Variants in FAHD2B observed in about 807,000 individuals in gnomAD.
FAHD2B encodes the protein fumarylacetoacetate hydrolase domain containing 2B, also known as oxaloacetate tautomerase FAHD2B, mitochondrial.
Under a neutral mutation model 33.7 loss-of-function variants are expected in FAHD2B, and 26 were observed. The ratio of observed to expected loss-of-function variants is 0.77; its 90% CI spans 0.57 to 1.07. The LOEUF (loss-of-function observed/expected upper bound fraction) is 1.07. FAHD2B is among the 50% of genes least tolerant of loss of function. FAHD2B has a pLI of 0.00. For synonymous variants in FAHD2B, 108 were observed against 150.9 expected (o/e 0.72, Z 2.08); for missense variants, 272 against 388.1 (o/e 0.70, Z 2.51).
downstream of FAHD2B, chr2:97,083,440 G>A (rs1223720342): frequency 5.0e-5 from 68 of 1,367,932 alleles, no homozygotes; most frequent in Non-Finnish European, 3.3e-5. Flanking sequence ...ACAAGGGGAC[G>A]AGACGAGTTG....
intron 1 of FAHD2B, among the ~76,000 whole-genome samples, chr2:97,094,189 A>G (rs2153384379): frequency 6.6e-6 from 1 of 152,188 alleles, no homozygotes; most frequent in Non-Finnish European, 1.5e-5. Flanking sequence ...GAGGCTGGTT[A>G]CCAGCTCTCC....
At chr2:97,085,420 G>A (rs563184347) in intron 6 of FAHD2B, among the ~76,000 whole-genome samples, 2 of 151,270 alleles carry the variant, frequency 1.3e-5, no homozygotes, top group Admixed American at 1.3e-4. Context: ...GGTGGCAGCC[G>A]CAGGAAGCCC....
chr2:97,086,539 T>C (rs1337657407), intron 4 of FAHD2B: 2 of 278,492 alleles, frequency 7.2e-6, no homozygotes, highest in Non-Finnish European at 1.4e-5. Flanking sequence ...TATGTAACCT[T>C]ACTGTGTGTC....
In FAHD2B at chr2:97,084,656, A is replaced by G. The variant is rs202241487; in HGVS notation, c.686-379T>C. Among the ~76,000 whole-genome samples the G allele has an allele frequency of 9.9e-5, 15 of 152,116 alleles. No individual in the cohort carries two copies. The East Asian group carries it at 2.3e-3, about 23-fold the overall frequency. On this transcript the variant is annotated intron_variant, in intron 6 of 8. Coordinates refer to ENST00000414820, the MANE Select transcript of FAHD2B (RefSeq NM_001320848.2). ...AGCGTGGTGGCTCACACCTGTAATC[A>G]TAGCACTTTGGGAGGGCAAAACAGG...
downstream of FAHD2B, chr2:97,083,062 T>A (rs576663540): frequency 1.5e-4 from 210 of 1,403,972 alleles, 3 homozygotes; most frequent in South Asian, 3.0e-3. Context: ...GGCAGGTTTC[T>A]GGGGGACAGG....
downstream of FAHD2B, chr2:97,081,504 G>A: frequency 6.3e-7 from 1 of 1,576,734 alleles, no homozygotes; most frequent in East Asian, 2.3e-5. Context: ...CGGGCTCCTG[G>A]TTGCTGAGGA....
At chr2:97,092,033 A>T (rs1392945394) in intron 1 of FAHD2B, 45 bp from the exon 2 acceptor site, 1 of 277,220 alleles carries the variant, frequency 3.6e-6, no homozygotes, top group East Asian at 7.1e-5. Context: ...CAGCCCTGCC[A>T]TTCTCCCTGC....
At chr2:97,084,800 C>A (rs1371677267) in intron 6 of FAHD2B, among the ~76,000 whole-genome samples, 3 of 151,258 alleles carry the variant, frequency 2.0e-5, no homozygotes, top group Non-Finnish European at 2.9e-5. Flanking sequence ...GTAGTCCCAG[C>A]TACTCAGGAG....
chr2:97,092,965 C>CAAAAAAAAAAAAAAAAAA (rs748844060), intron 1 of FAHD2B, among the ~76,000 whole-genome samples: 1 of 64,218 alleles, frequency 1.6e-5, no homozygotes. Flanking sequence ...AGAGCGACTC[C>CAAAAAAAAAAAAAAAAAA]AAAAAAAAAA....
chr2:97,083,312 G>A, downstream of FAHD2B: 1 of 1,569,600 alleles, frequency 6.4e-7, no homozygotes, highest in Non-Finnish European at 8.6e-7. Context: ...ACACAGCTGT[G>A]TCCTAGAGCC....
At chr2:97,081,370 G>T, downstream of FAHD2B, 1 of 1,564,376 alleles carries the variant, frequency 6.4e-7, no homozygotes, top group East Asian at 2.3e-5. Flanking sequence ...GCCTTGCCCG[G>T]TCTTTGGCTA....
Position 97,083,945 on chromosome 2 carries a change from T to G in FAHD2B, c.882+3A>C. The G allele has an allele frequency of 6.2e-7, 1 of 1,613,858 alleles. No individual in the cohort carries two copies. The highest frequency in any genetic ancestry group is 8.5e-7 in the Non-Finnish European group (1 of 1,179,964). ...TTGCTCTCTTTGCTTTTCGCTAACC[T>G]ACCTTGAGAAAGACAGGAGGTTTCC... On this transcript the variant is annotated splice_donor_region_variant and intron_variant, in intron 8 of 8. Transcript: ENST00000414820.
intron 4 of FAHD2B, chr2:97,089,788 A>G: frequency 2.3e-6 from 1 of 427,622 alleles, no homozygotes; most frequent in Admixed American, 3.6e-5. Context: ...ATAAACATAT[A>G]CAGGAGTGGA....
chr2:97,081,776 C>T (rs973309442), downstream of FAHD2B, among the ~76,000 whole-genome samples: 1 of 148,580 alleles, frequency 6.7e-6, no homozygotes, highest in East Asian at 1.9e-4. Flanking sequence ...CTGCACACCT[C>T]CTGCTCCCCA....
At chr2:97,090,710 A>G (rs181520450) in intron 3 of FAHD2B, among the ~76,000 whole-genome samples, 1 of 152,120 alleles carries the variant, frequency 6.6e-6, no homozygotes. Flanking sequence ...TAAAAAAACA[A>G]CTGACTTTGG....
At chr2:97,088,397 T>C (rs1267803538) in intron 4 of FAHD2B, among the ~76,000 whole-genome samples, 3 of 152,092 alleles carry the variant, frequency 2.0e-5, no homozygotes, top group African/African-American at 7.2e-5. Flanking sequence ...GCTGTTCTCA[T>C]GATAGTGAAT....
chr2:97,093,556 G>T (rs930722302), intron 1 of FAHD2B, among the ~76,000 whole-genome samples: 9 of 144,462 alleles, frequency 6.2e-5, no homozygotes, highest in Non-Finnish European at 1.2e-4. Context: ...CTCACTGCAA[G>T]CTCTGCCTCC....
downstream of FAHD2B, among the ~76,000 whole-genome samples, chr2:97,080,409 T>G (rs2031601591): frequency 6.6e-6 from 1 of 152,082 alleles, no homozygotes; most frequent in African/African-American, 2.4e-5. Context: ...GGGTGTAGTC[T>G]TATTTCTGGG....
chr2:97,091,530 G>A lies in FAHD2B; in HGVS notation c.177C>T (p.Asp59=), dbSNP rs2032338030. 6.2e-7 allele frequency: 1 copy of A among 1,613,578 alleles called. No individual in the cohort carries two copies. Among genetic ancestry groups the A allele is most frequent in the Non-Finnish European group, 8.5e-7 (1 of 1,179,914 alleles). ...GGGVINLNAF[D]PTLPKTMTQF... is the part of the protein sequence containing the mutation. ...GCGTCATCGTCTTTGGGAGTGTGGGGTCAAAGGCATTGAGGTTGATAACCC... is the reference window on the plus strand; with the variant it reads ...GCGTCATCGTCTTTGGGAGTGTGGGATCAAAGGCATTGAGGTTGATAACCC... Residue 59 remains aspartate (D), a synonymous_variant, in exon 3 of 9, where the codon GAC becomes GAT. Transcript: ENST00000414820.
Sources: gnomAD v4.1 joint callset for allele counts (sites outside exome capture counted in the v4.1 genomes callset) on GRCh38, gnomAD v4.1.1 for gene constraint, MANE v1.5 for transcripts, NCBI Gene and HGNC (gene_info 2026-07-23, HGNC 2026-07-21) for gene names.